PACRG: variants seen among roughly 807,000 people sequenced by gnomAD.
PACRG encodes the protein parkin coregulated, also known as parkin coregulated gene protein.
PACRG carries 29 observed loss-of-function variants against 29.7 expected under a neutral mutation model. The observed-to-expected ratio is 0.98, with a 90% CI of 0.73 to 1.33. PACRG has a LOEUF of 1.33. Ranked by LOEUF, PACRG falls within the 40% of genes most tolerant of loss-of-function variation. The pLI is 0.00. For missense variants in PACRG, 279 were observed against 316.2 expected (o/e 0.88, Z 0.89); for synonymous variants, 116 against 118.7 (o/e 0.98, Z 0.15).
rs1404629602 is a variant in PACRG at position 162,958,863 on chromosome 6, A to G, written c.292-103287A>G. 6.9e-3 allele frequency among the ~76,000 whole-genome samples: 333 copies of G among 48,522 alleles called. 5 individuals carry two copies. The highest frequency in any genetic ancestry group is 0.023 in the African/African-American group (303 of 13,310). 31.8% of individuals were successfully genotyped at this position (48,522 alleles called of 152,430 possible). On this transcript the variant is annotated intron_variant, in intron 2 of 4. Transcript: ENST00000366888. ...GCATATATAGAGCATATATATATAT[A>G]TATATATATATATATATATATAGAG...
rs1229185336 is a variant in PACRG, at chr6:162,730,890, C to A, written c.156+2499C>A. On this transcript the variant is annotated intron_variant, in intron 1 of 4. Transcript: ENST00000366888. The stretch of plus-strand genomic sequence containing the variant: ...TCATAGTTCATTTTCCTTTAAAAGT[C>A]TTGTTTGGGGTGTGATAGAGCCCAT... Among the ~76,000 whole-genome samples, 3 of 152,170 alleles carry A rather than the reference C, an allele frequency of 2.0e-5. No individual in the cohort carries two copies. In the East Asian group the frequency reaches 5.8e-4, roughly 29 times the overall value.
At chr6:162,972,362 T>C (rs1466548420) in intron 2 of PACRG, among the ~76,000 whole-genome samples, 2 of 152,180 alleles carry the variant, frequency 1.3e-5, no homozygotes, top group African/African-American at 4.8e-5. Flanking sequence ...CCTACTTCAG[T>C]CATCTGATTG....
intron 4 of PACRG, among the ~76,000 whole-genome samples, chr6:163,193,597 A>C (rs545795908): frequency 2.0e-5 from 3 of 152,298 alleles, no homozygotes; most frequent in Non-Finnish European, 1.5e-5. Flanking sequence ...GGAGGGAAAC[A>C]CTAAATGAAG....
chr6:163,229,492 G>A (rs1781937631), intron 4 of PACRG, among the ~76,000 whole-genome samples: 1 of 152,190 alleles, frequency 6.6e-6, no homozygotes, highest in Admixed American at 6.5e-5. Flanking sequence ...ATCATTTTAT[G>A]GTTTAGCAAG....
intron 2 of PACRG, among the ~76,000 whole-genome samples, chr6:162,944,906 G>C (rs932832930): frequency 1.3e-5 from 2 of 151,924 alleles, no homozygotes; most frequent in African/African-American, 4.8e-5. Flanking sequence ...AAAAGGGATA[G>C]AAAACTTATT....
intron 1 of PACRG, among the ~76,000 whole-genome samples, chr6:162,755,880 T>A (rs1368462616): frequency 3.9e-5 from 6 of 152,230 alleles, no homozygotes; most frequent in Admixed American, 3.3e-4. Context: ...TTTTTTAATT[T>A]CCTTTTTTTA....
Position 163,055,407 on chromosome 6 carries a change from C to T in PACRG, c.292-6743C>T, listed in dbSNP as rs1810486853. Among the ~76,000 whole-genome samples, 1 of 152,092 alleles carries T rather than the reference C, an allele frequency of 6.6e-6. No individual in the cohort carries two copies. The highest frequency in any genetic ancestry group is 2.4e-5 in the African/African-American group (1 of 41,400). On this transcript the variant is annotated intron_variant, in intron 2 of 4. Coordinates refer to ENST00000366888, the MANE Select transcript of PACRG (RefSeq NM_001080379.2). The surrounding 1 kb of genome is among the most constrained non-coding windows in gnomAD (Gnocchi z 4.0). ...GCACTCACATATATACACACGTGCA[C>T]ACACACGCAAACAAGCGCCTGAGGA... is the stretch of plus-strand genomic sequence containing the variant.
At chr6:162,874,103 C>G (rs780605802) in intron 2 of PACRG, among the ~76,000 whole-genome samples, 17 of 144,330 alleles carry the variant, frequency 1.2e-4, no homozygotes, top group Non-Finnish European at 1.6e-4. Flanking sequence ...GTTTTGTATT[C>G]CAAACCAGAC....
At chr6:162,880,858 C>A (rs79562046) in intron 2 of PACRG, among the ~76,000 whole-genome samples, 3,053 of 152,320 alleles carry the variant, frequency 0.02, 101 homozygotes, top group African/African-American at 0.069. Context: ...ACATTGCACA[C>A]CAGCCAGATC....
intron 4 of PACRG, among the ~76,000 whole-genome samples, chr6:163,090,094 T>C (rs1430041272): frequency 1.3e-5 from 2 of 152,162 alleles, no homozygotes; most frequent in Non-Finnish European, 2.9e-5. Flanking sequence ...TGAAGTTATT[T>C]CCTGATAGTG....
In PACRG at chr6:163,126,730, C is replaced by A. The variant is rs571545004; in HGVS notation, c.613+37322C>A. ...ATTTAGATTTTTAAAAATAAAAACCCAGAATAATTATGAAAGCAAAATGCC... is the reference window on the plus strand; with the variant it reads ...ATTTAGATTTTTAAAAATAAAAACCAAGAATAATTATGAAAGCAAAATGCC... On this transcript the variant is annotated intron_variant, in intron 4 of 4. Coordinates refer to ENST00000366888, the MANE Select transcript of PACRG (RefSeq NM_001080379.2). Among the ~76,000 whole-genome samples the A allele has an allele frequency of 9.3e-4, 141 of 152,218 alleles. 1 individual carries two copies. The highest frequency in any genetic ancestry group is 3.4e-3 in the African/African-American group (140 of 41,536).
intron 4 of PACRG, among the ~76,000 whole-genome samples, chr6:163,140,485 G>A (rs1171418084): frequency 6.6e-6 from 1 of 152,196 alleles, no homozygotes. Flanking sequence ...TGCTGCCAAT[G>A]CCATCTGCTG....
At chr6:163,227,824 G>A (rs78081599) in intron 4 of PACRG, among the ~76,000 whole-genome samples, 1,937 of 152,270 alleles carry the variant, frequency 0.013, 43 homozygotes, top group African/African-American at 0.043. Context: ...TATTAGCACA[G>A]CCTCTCATCA....
At chr6:163,112,465 G>A (rs1183828183) in intron 4 of PACRG, among the ~76,000 whole-genome samples, 1 of 152,176 alleles carries the variant, frequency 6.6e-6, no homozygotes, top group Admixed American at 6.5e-5. Context: ...AACTATTGCT[G>A]TATCCCTCCC....
rs1320388925 is a variant in PACRG, at chr6:163,172,861, T to C, written c.613+83453T>C. 2.0e-5 allele frequency among the ~76,000 whole-genome samples: 3 copies of C among 152,348 alleles called. No homozygotes were observed. The South Asian group carries it at 6.2e-4, about 32-fold the overall frequency. On this transcript the variant is annotated intron_variant, in intron 4 of 4. Transcript: ENST00000366888. ...GAAATATCAAAGATAGAAAGAGGCT[T>C]GAATGCCTAGATATTTTCAATCTGT...
chr6:162,762,852 CTTTGA>C (rs1345351860), intron 1 of PACRG, among the ~76,000 whole-genome samples: 1 of 152,136 alleles, frequency 6.6e-6, no homozygotes, highest in Non-Finnish European at 1.5e-5. Flanking sequence ...CAAAGTATAA[CTTTGA>C]TTTATGTTCA....
At chr6:163,268,166 C>T (rs147968810) in intron 4 of PACRG, among the ~76,000 whole-genome samples, 2,224 of 152,130 alleles carry the variant, frequency 0.015, 20 homozygotes, top group Middle Eastern at 0.031. Flanking sequence ...TCTGGGAGGC[C>T]GAGGCGGGTG....
At chr6:163,143,996 A>AG (rs1316903824) in intron 4 of PACRG, among the ~76,000 whole-genome samples, 1 of 152,144 alleles carries the variant, frequency 6.6e-6, no homozygotes, top group Non-Finnish European at 1.5e-5. Flanking sequence ...GCACTTTGGG[A>AG]GGCCGAGGTG....
chr6:163,132,478 T>C (rs1463627843), intron 4 of PACRG, among the ~76,000 whole-genome samples: 1 of 152,236 alleles, frequency 6.6e-6, no homozygotes. Context: ...ACCCAGAATG[T>C]GATTCTTTCT....
Sources: gnomAD v4.1 joint callset for allele counts (sites outside exome capture counted in the v4.1 genomes callset) on GRCh38, gnomAD v4.1.1 for gene constraint, Gnocchi (gnomAD v3.1) non-coding constraint, MANE v1.5 for transcripts, NCBI Gene and HGNC (gene_info 2026-07-23, HGNC 2026-07-21) for gene names.